SYNE3: variants seen among roughly 807,000 people sequenced by gnomAD.
The protein encoded by SYNE3 is nesprin-3.
In SYNE3, 100 loss-of-function variants were observed where a neutral mutation model predicts 111.2. The observed-to-expected ratio is 0.90, with a 90% confidence interval of 0.77 to 1.06. The LOEUF (loss-of-function observed/expected upper bound fraction) is 1.06, where lower values mean the gene tolerates loss of function less well. Ranked by LOEUF, SYNE3 falls within the 50% of genes least tolerant of loss-of-function variation. SYNE3 has a pLI of 0.00. For synonymous variants in SYNE3, 547 were observed against 533.9 expected (o/e 1.02, Z -0.34); for missense variants, 1,160 against 1,240.3 (o/e 0.94, Z 0.97).
At chr14:95,429,301 C>T (rs368496874) in intron 17 of SYNE3, among the ~76,000 whole-genome samples, 24 of 152,328 alleles carry the variant, frequency 1.6e-4, no homozygotes, top group East Asian at 1.4e-3. Context: ...TGAGTGGACT[C>T]GCATTTAAAT....
At position 95,457,266 on chromosome 14, in the gene SYNE3, G is replaced by A. The variant is rs1887517041; in HGVS notation, c.700C>T (p.Leu234=). ...EYQAGVDEFQ[L]WLKAVVEKVN... is the part of the protein sequence containing the mutation. ...TTCTCCACCACCGCCTTCAGCCACA[G>A]TTGGAACTCGTCCACACCTGCCTGG... is the stretch of plus-strand genomic sequence containing the variant. Residue 234 remains leucine, a synonymous_variant, in exon 5 of 18, where the codon CTG becomes TTG. Coordinates refer to ENST00000682763, the MANE Select transcript of SYNE3 (RefSeq NM_152592.6). 6.2e-7 allele frequency: 1 copy of A among 1,614,030 alleles called. No homozygotes were observed. The highest frequency in any genetic ancestry group is 1.3e-5 in the African/African-American group (1 of 74,920).
Position 95,465,990 on chromosome 14 carries a change from C to T in SYNE3, c.568G>A (p.Asp190Asn). 1 of 1,605,622 alleles carries T rather than the reference C, an allele frequency of 6.2e-7. No homozygotes were observed. The highest frequency in any genetic ancestry group is 8.5e-7 in the Non-Finnish European group (1 of 1,172,984). Residue 190 changes from aspartate (D) to asparagine (N), a missense_variant, in exon 4 of 18, where the codon GAC becomes AAC. Asp to Asn is a conservative substitution (Grantham distance 23). Coordinates refer to ENST00000682763, the MANE Select transcript of SYNE3 (RefSeq NM_152592.6). ...TTCATTCTCTTCTGGGCATCTTCGT[C>T]CACGCTGGGGTCCCCGATCCTGTTG... ...LFNRIGDPSV[D>N]EDAQKRMKAE...
intron 17 of SYNE3, among the ~76,000 whole-genome samples, chr14:95,429,037 T>C (rs1885591154): frequency 6.6e-6 from 1 of 152,246 alleles, no homozygotes; most frequent in Non-Finnish European, 1.5e-5. Context: ...ACTTGCTACC[T>C]GCCAGGCCTG....
intron 17 of SYNE3, among the ~76,000 whole-genome samples, chr14:95,427,738 G>A (rs1170168146): frequency 1.3e-5 from 2 of 151,654 alleles, no homozygotes; most frequent in South Asian, 2.1e-4. Context: ...GCACAGCCTG[G>A]CATTCGGGGC....
rs182425490 is a variant in SYNE3, at chr14:95,457,199, G to T, written c.767C>A (p.Thr256Lys). ...TACCTGCAGTGTGGAGAGGCGCTGC[G>T]TGATGGGCAGCTTGCAGTTCCGCCC... Reference protein sequence around the residue: ...CLGRNCKLPITQRLSTLQDIA... With the variant: ...CLGRNCKLPIKQRLSTLQDIA... The change falls in exon 5 of 18, where the codon ACG becomes AAG. Residue 256 changes from threonine to lysine, a missense_variant. Thr to Lys is a moderately conservative substitution (Grantham distance 78). Coordinates refer to ENST00000682763, the MANE Select transcript of SYNE3 (RefSeq NM_152592.6). The T allele has an allele frequency of 1.1e-5, 17 of 1,613,868 alleles. No homozygotes were observed. The highest frequency in any genetic ancestry group is 1.4e-5 in the Non-Finnish European group (17 of 1,179,988).
At position 95,411,694 on chromosome 14, in the gene SYNE3, G is replaced by C. The variant is rs1566949357; in HGVS notation, c.*6132C>G. On this transcript the variant is annotated 3_prime_UTR_variant, in exon 18 of 18. Transcript: ENST00000682763. Reference sequence around the variant, plus strand: ...CAGAGGCTTCCTGGCAATCACTGCAGACACCGGTGAAAAACACTCTGATTA... The same window carrying C: ...CAGAGGCTTCCTGGCAATCACTGCACACACCGGTGAAAAACACTCTGATTA... The C allele has an allele frequency of 6.7e-6, 1 of 148,366 alleles. No homozygotes were observed. The allele number at this position is 148,366 out of a possible 1,614,324, so 9.2% of individuals were successfully genotyped here. A position where few individuals can be genotyped will look rare whatever the true frequency, so the allele number is the denominator to read the frequency against.
At chr14:95,445,232 G>A (rs1408936281) in intron 9 of SYNE3, among the ~76,000 whole-genome samples, 1 of 152,168 alleles carries the variant, frequency 6.6e-6, no homozygotes, top group Non-Finnish European at 1.5e-5. Flanking sequence ...TGAAATCATG[G>A]GCTGGGTCCT....
intron 1 of SYNE3, among the ~76,000 whole-genome samples, chr14:95,481,435 G>A (rs1889245426): frequency 6.6e-6 from 1 of 152,126 alleles, no homozygotes; most frequent in African/African-American, 2.4e-5. Flanking sequence ...GAAGCCCAGA[G>A]ATCAACCCCT....
chr14:95,502,439 C>T (rs1190641933), intron 1 of SYNE3, among the ~76,000 whole-genome samples: 1 of 152,104 alleles, frequency 6.6e-6, no homozygotes, highest in Non-Finnish European at 1.5e-5. Flanking sequence ...TTTGAGGCCC[C>T]ATCTTCCCCG....
chr14:95,430,255 C>T (rs527529040), intron 17 of SYNE3, among the ~76,000 whole-genome samples: 3 of 152,222 alleles, frequency 2.0e-5, no homozygotes, highest in East Asian at 1.9e-4. Flanking sequence ...TGGGGGCTTC[C>T]AACCAGAGAG....
chr14:95,509,065 T>C (rs939227739), intron 1 of SYNE3, among the ~76,000 whole-genome samples: 4 of 152,220 alleles, frequency 2.6e-5, no homozygotes, highest in African/African-American at 9.7e-5. Context: ...TAATCCTGTC[T>C]CCAGCCCTCA....
At chr14:95,433,431 T>G in intron 15 of SYNE3, 22 bp from the exon 16 acceptor site, 1 of 1,612,630 alleles carries the variant, frequency 6.2e-7, no homozygotes, top group Non-Finnish European at 8.5e-7. Flanking sequence ...AGCAGCGTCA[T>G]GGTGCGGCTT....
At chr14:95,437,273 C>G (rs561992979) in intron 14 of SYNE3, among the ~76,000 whole-genome samples, 1 of 152,212 alleles carries the variant, frequency 6.6e-6, no homozygotes. Context: ...CTTGCCCCCT[C>G]GGGGCTCCAT....
intron 3 of SYNE3, among the ~76,000 whole-genome samples, chr14:95,466,984 C>T (rs8012346): frequency 6.6e-6 from 1 of 151,994 alleles, no homozygotes; most frequent in Non-Finnish European, 1.5e-5. Context: ...CCTGCGTGTG[C>T]GTTCCAGGGG....
rs537301682 is a variant in SYNE3, at chr14:95,464,354, G to A, written c.627+1577C>T. On this transcript the variant is annotated intron_variant, in intron 4 of 17. Transcript: ENST00000682763. ...AAGCTTGGGTTTAATGCTCAGGCTG[G>A]AGTAAGAAGTGAGACTTTGGGCTCA... 6.8e-3 allele frequency among the ~76,000 whole-genome samples: 1,030 copies of A among 152,278 alleles called. 4 individuals are homozygous for A. The highest frequency in any genetic ancestry group is 0.011 in the Non-Finnish European group (779 of 68,026).
rs1297268387 is a variant in SYNE3, at chr14:95,418,036, C to T, written c.2728-10G>A. On this transcript the variant is annotated splice_polypyrimidine_tract_variant and intron_variant, in intron 17 of 17. Coordinates refer to ENST00000682763, the MANE Select transcript of SYNE3 (RefSeq NM_152592.6). Reference sequence around the variant, plus strand: ...CTCGCCACCGCCGAGTCTGCGGAACCAACACAGCACAGGTGAGTGGGCTGG... The same window carrying T: ...CTCGCCACCGCCGAGTCTGCGGAACTAACACAGCACAGGTGAGTGGGCTGG... 3 of 1,606,500 alleles carry T rather than the reference C, an allele frequency of 1.9e-6. No homozygotes were observed. The highest frequency in any genetic ancestry group is 2.2e-5 in the East Asian group (1 of 44,880).
At chr14:95,434,111 T>C (rs1435598550) in intron 15 of SYNE3, among the ~76,000 whole-genome samples, 1 of 151,758 alleles carries the variant, frequency 6.6e-6, no homozygotes, top group African/African-American at 2.4e-5. Flanking sequence ...TAGCCAGATA[T>C]GAGACAGGAG....
rs372442807 is a variant in SYNE3 at position 95,475,801 on chromosome 14, G to A, written c.21C>T (p.Asp7=). Residue 7 remains aspartate (D), a synonymous_variant, in exon 2 of 18, where the codon GAC becomes GAT. Coordinates refer to ENST00000682763, the MANE Select transcript of SYNE3 (RefSeq NM_152592.6). The part of the protein sequence containing the change: MTQQPQ[D]DFDRSVEDAQ... ...CATCCTCCACGCTCCTGTCAAAGTC[G>A]TCCTGGGGCTGCTGAGTCATGGCAC... 2.5e-5 allele frequency: 40 copies of A among 1,575,436 alleles called. No individual in the cohort carries two copies. Among genetic ancestry groups the A allele is most frequent in the Middle Eastern group, 1.7e-4 (1 of 5,888 alleles).
At position 95,414,969 on chromosome 14, in the gene SYNE3, T is replaced by A. The variant is rs1462302402; in HGVS notation, c.*2857A>T. 6.6e-6 allele frequency: 1 copy of A among 152,254 alleles called. No homozygotes were observed. The highest frequency in any genetic ancestry group is 6.5e-5 in the Admixed American group (1 of 15,292). 9.4% of individuals were successfully genotyped at this position (152,254 alleles called of 1,614,324 possible). A position where few individuals can be genotyped will look rare whatever the true frequency, so the allele number is the denominator to read the frequency against. ...CAGTTATGCAAACAAACAGACTTGATGGCATCATTATCAAAATTTAAAAAA... is the reference window on the plus strand; with the variant it reads ...CAGTTATGCAAACAAACAGACTTGAAGGCATCATTATCAAAATTTAAAAAA... On this transcript the variant is annotated 3_prime_UTR_variant, in exon 18 of 18. Coordinates refer to ENST00000682763, the MANE Select transcript of SYNE3 (RefSeq NM_152592.6).
Sources: allele counts gnomAD v4.1 joint callset (sites outside exome capture counted in the v4.1 genomes callset), GRCh38; gene constraint gnomAD v4.1.1; transcripts MANE v1.5; gene names NCBI Gene and HGNC (gene_info 2026-07-23, HGNC 2026-07-21).